TTLL7: variants seen among roughly 807,000 people sequenced by gnomAD.
TTLL7 encodes the protein tubulin polyglutamylase TTLL7.
In TTLL7, 53 loss-of-function variants were observed where a neutral mutation model predicts 120.2. That is an observed-to-expected ratio of 0.44 (90% CI 0.35 to 0.55). The LOEUF is 0.55. Among genes scored for constraint, TTLL7 ranks in the 20% least tolerant of loss-of-function variants. The pLI is 0.00. For synonymous variants in TTLL7, 353 were observed against 351.7 expected, an observed-to-expected ratio of 1.00 and a Z score of -0.04; for missense variants, 803 against 1,054.7, an observed-to-expected ratio of 0.76 and a Z score of 3.31.
chr1:83,963,470 T>TA (rs754240019), intron 1 of TTLL7, among the ~76,000 whole-genome samples: 4,364 of 141,658 alleles, frequency 0.031, 114 homozygotes, highest in African/African-American at 0.072. Context: ...TAATACAAAC[T>TA]AAAAAAAAAA....
At chr1:83,884,361 G>C (rs895099109) in intron 19 of TTLL7, among the ~76,000 whole-genome samples, 3 of 151,784 alleles carry the variant, frequency 2.0e-5, no homozygotes, top group African/African-American at 7.3e-5. Context: ...GAAACACAAA[G>C]ACTCCACTTT....
chr1:83,896,560 T>A (rs998686739), intron 18 of TTLL7, among the ~76,000 whole-genome samples: 1 of 152,062 alleles, frequency 6.6e-6, no homozygotes, highest in African/African-American at 2.4e-5. Context: ...GGCTATAGGG[T>A]AAAGGCATCT....
rs1348918445 is a variant in TTLL7 at position 83,883,003 on chromosome 1, C to CTTT, written c.2502_2503insAAA (p.Arg834_Gly835insLys). ...TCAGGACCAATGCCTGAAAGTGATC[C>CTTT]TCTTTTGTCAGTTGCATATTTGTAA... On this transcript the variant is annotated inframe_insertion, in exon 20 of 21. Coordinates refer to ENST00000260505, the MANE Select transcript of TTLL7 (RefSeq NM_024686.6). 1 of 1,612,524 alleles carries CTTT rather than the reference C, an allele frequency of 6.2e-7. No individual in the cohort carries two copies. The highest frequency in any genetic ancestry group is 8.5e-7 in the Non-Finnish European group (1 of 1,179,088).
At chr1:83,892,929 A>AGAAAGAAAG (rs1557570570) in intron 18 of TTLL7, among the ~76,000 whole-genome samples, 2 of 19,852 alleles carry the variant, frequency 1.0e-4, no homozygotes, top group Non-Finnish European at 1.1e-4. Context: ...AAAGAAAAAG[A>AGAAAGAAAG]GAAAGAAAGA....
intron 10 of TTLL7, among the ~76,000 whole-genome samples, chr1:83,927,910 A>G (rs1659270299): frequency 6.6e-6 from 1 of 152,200 alleles, no homozygotes; most frequent in Admixed American, 6.6e-5. Context: ...AGCTGGAGGA[A>G]GAAGGCACTT....
At chr1:83,949,093 G>T (rs1571279963) in intron 4 of TTLL7, among the ~76,000 whole-genome samples, 1 of 152,016 alleles carries the variant, frequency 6.6e-6, no homozygotes, top group Non-Finnish European at 1.5e-5. Flanking sequence ...AATGAATAAG[G>T]TCTATACAAA....
Position 83,998,550 on chromosome 1 carries a change from G to C in TTLL7, c.-177+381C>G, listed in dbSNP as rs181118925. On this transcript the variant is annotated intron_variant, in intron 1 of 20. Coordinates refer to ENST00000260505, the MANE Select transcript of TTLL7 (RefSeq NM_024686.6). ...CCTTTCAAGAATGCCCCGCATACTC[G>C]CGGAGGCTTATACCACGATGTGGGA... Among the ~76,000 whole-genome samples the C allele has an allele frequency of 3.6e-3, 541 of 152,318 alleles. 7 individuals are homozygous for C. Among genetic ancestry groups the C allele is most frequent in the Admixed American group, 0.022 (341 of 15,298 alleles).
chr1:83,942,610 T>A lies in TTLL7; in HGVS notation c.576A>T (p.Glu192Asp). The A allele has an allele frequency of 6.2e-7, 1 of 1,613,994 alleles. No individual in the cohort carries two copies. The highest frequency in any genetic ancestry group is 1.1e-5 in the South Asian group (1 of 91,064). ...QDHLIVQEYI[E>D]KPFLMEGYKF... ...TGTAACCTTCCATTAGGAAAGGCTTTTCAATGTATTCTTGAACAATCAAAT... is the reference window on the plus strand; with the variant it reads ...TGTAACCTTCCATTAGGAAAGGCTTATCAATGTATTCTTGAACAATCAAAT... Residue 192 changes from glutamate to aspartate, a missense_variant, in exon 7 of 21, where the codon GAA becomes GAT. Glu to Asp is a conservative substitution (Grantham distance 45). This residue lies in a region of TTLL7 where 324 missense variants were observed against 507.7 expected (regional missense o/e 0.64). Coordinates refer to ENST00000260505, the MANE Select transcript of TTLL7 (RefSeq NM_024686.6).
chr1:83,986,676 T>C (rs1169429873), intron 1 of TTLL7, among the ~76,000 whole-genome samples: 1 of 152,088 alleles, frequency 6.6e-6, no homozygotes, highest in Non-Finnish European at 1.5e-5. Context: ...TGAAATCCCC[T>C]ACTAAAAACA....
At chr1:83,892,380 GAA>G (rs375665936) in intron 18 of TTLL7, among the ~76,000 whole-genome samples, 654 of 53,402 alleles carry the variant, frequency 0.012, 44 homozygotes, top group Non-Finnish European at 0.019. Flanking sequence ...GAATATATAT[GAA>G]TATATATACG....
At chr1:83,943,602 T>C (rs1287571500) in intron 6 of TTLL7, among the ~76,000 whole-genome samples, 1 of 152,218 alleles carries the variant, frequency 6.6e-6, no homozygotes. Flanking sequence ...GGAACTTCAG[T>C]GGCCATACAC....
chr1:83,894,504 A>G (rs1656049389), intron 18 of TTLL7, among the ~76,000 whole-genome samples: 1 of 152,154 alleles, frequency 6.6e-6, no homozygotes, highest in African/African-American at 2.4e-5. Context: ...TGCTAGGCAC[A>G]TTACTTAGAG....
At chr1:83,899,667 G>A (rs144424496) in intron 18 of TTLL7, among the ~76,000 whole-genome samples, 317 of 151,966 alleles carry the variant, frequency 2.1e-3, no homozygotes, top group African/African-American at 7.2e-3. Context: ...TGAATACATC[G>A]TTACACAAAT....
intron 1 of TTLL7, chr1:83,981,561 G>A (rs1299452381): frequency 6.6e-6 from 1 of 152,316 alleles, no homozygotes; most frequent in African/African-American, 2.4e-5. Context: ...CAGGTGCCGT[G>A]GCTCATGCCT....
chr1:83,906,633 A>G (rs1270635970), intron 16 of TTLL7, 170 bp from the exon 17 acceptor site: 2 of 831,702 alleles, frequency 2.4e-6, no homozygotes, highest in Non-Finnish European at 3.7e-6. Context: ...TTAAATGGAT[A>G]TGAATCCCAA....
At position 83,991,833 on chromosome 1, in the gene TTLL7, T is replaced by A. The variant is rs559536100; in HGVS notation, c.-177+7098A>T. On this transcript the variant is annotated intron_variant, in intron 1 of 20. Transcript: ENST00000260505. The stretch of plus-strand genomic sequence containing the variant: ...CACTCTATTTATAGATATTGCTGAG[T>A]GTATTTGCTTAATTTTATTCCCAGT... Among the ~76,000 whole-genome samples the A allele has an allele frequency of 4.6e-5, 7 of 152,264 alleles. No homozygotes were observed. The South Asian group carries it at 1.2e-3, about 27-fold the overall frequency.
At chr1:83,937,792 C>A in intron 8 of TTLL7, 60 bp downstream of exon 8, 1 of 1,587,916 alleles carries the variant, frequency 6.3e-7, no homozygotes, top group Non-Finnish European at 8.6e-7. Flanking sequence ...CATGGCCTGA[C>A]AATGCTTCAA....
chr1:83,883,978 T>C (rs539289749), intron 19 of TTLL7, among the ~76,000 whole-genome samples: 4 of 152,032 alleles, frequency 2.6e-5, no homozygotes, highest in Non-Finnish European at 5.9e-5. Context: ...ACTCAGCTTA[T>C]TCCAAAGCAG....
intron 18 of TTLL7, among the ~76,000 whole-genome samples, chr1:83,901,726 T>C (rs1656741960): frequency 6.6e-6 from 1 of 151,892 alleles, no homozygotes; most frequent in African/African-American, 2.4e-5. Context: ...ACTAAGCAAA[T>C]ATTTGCTGAA....
Sources: allele counts gnomAD v4.1 joint callset (sites outside exome capture counted in the v4.1 genomes callset), GRCh38; gene constraint gnomAD v4.1.1; regional missense constraint gnomAD v4.1.1; transcripts MANE v1.5; gene names NCBI Gene and HGNC (gene_info 2026-07-23, HGNC 2026-07-21).